Variants in SYNE1 observed in about 807,000 individuals in gnomAD.
SYNE1 encodes the protein spectrin repeat containing nuclear envelope protein 1, also known as nesprin-1.
Under a neutral mutation model 1,111.0 loss-of-function variants are expected in SYNE1, and 616 were observed. The ratio of observed to expected loss-of-function variants is 0.55; its 90% CI spans 0.52 to 0.59. SYNE1 has a LOEUF of 0.59. Among genes scored for constraint, SYNE1 ranks in the 20% least tolerant of loss-of-function variants. SYNE1 has a pLI of 0.00. For synonymous variants in SYNE1, 3,855 were observed against 3,825.8 expected, an observed-to-expected ratio of 1.01 and a Z score of -0.28; for missense variants, 10,006 against 10,417.0, an observed-to-expected ratio of 0.96 and a Z score of 1.72.
chr6:152,482,742 A>G (rs1032238684), intron 14 of SYNE1, among the ~76,000 whole-genome samples: 1 of 152,202 alleles, frequency 6.6e-6, no homozygotes, highest in African/African-American at 2.4e-5. Flanking sequence ...GGCAGAAATG[A>G]GGTCTGGAGC....
At chr6:152,220,591 T>C (rs1420354702) in intron 119 of SYNE1, among the ~76,000 whole-genome samples, 1 of 152,186 alleles carries the variant, frequency 6.6e-6, no homozygotes, top group African/African-American at 2.4e-5. Context: ...ATCTTTCACA[T>C]TGACTAAATT....
At chr6:152,378,900 T>G (rs2097343280) in intron 56 of SYNE1, among the ~76,000 whole-genome samples, 1 of 152,184 alleles carries the variant, frequency 6.6e-6, no homozygotes, top group Admixed American at 6.5e-5. Flanking sequence ...GGTTTGTCAA[T>G]TCTTTATTTA....
chr6:152,364,702 AAG>A, intron 63 of SYNE1, 143 bp downstream of exon 63: 1 of 786,876 alleles, frequency 1.3e-6, no homozygotes, highest in South Asian at 1.5e-5. Context: ...GGAAGGAAGG[AAG>A]GAAGGAAGGA....
chr6:152,231,484 C>G lies in SYNE1; in HGVS notation c.20946G>C (p.Val6982=). ...CAGTCTTATCACTACGCTTACTTTC[C>G]ACATCCTGACTGCTGATTTGTAGCA... The part of the protein sequence containing the change: ...QSVLQISSQD[V]ESKRSDKTDF... The change falls in exon 114 of 146, where the codon GTG becomes GTC. Residue 6982 remains valine (V), a synonymous_variant. Coordinates refer to ENST00000367255, the MANE Select transcript of SYNE1 (RefSeq NM_182961.4). 6.2e-7 allele frequency: 1 copy of G among 1,614,078 alleles called. No homozygotes were observed. Among genetic ancestry groups the G allele is most frequent in the Non-Finnish European group, 8.5e-7 (1 of 1,180,024 alleles).
chr6:152,341,915 G>A (rs971520370), intron 74 of SYNE1, among the ~76,000 whole-genome samples: 4 of 151,752 alleles, frequency 2.6e-5, no homozygotes, highest in Admixed American at 2.6e-4. Context: ...ACCTACCGAT[G>A]GAATTAAGTG....
chr6:152,230,753 A>G, intron 114 of SYNE1, 51 bp from the exon 115 acceptor site: 2 of 1,571,764 alleles, frequency 1.3e-6, no homozygotes, highest in African/African-American at 2.7e-5. Context: ...AATAAAATCA[A>G]ATCATTAGCA....
rs778388414 is a variant in SYNE1 at position 152,450,757 on chromosome 6, A to C, written c.3263T>G (p.Leu1088Arg). ...GTCCCTTACTGGGTCCCGCACTGGGAGTTTCACACAGAGTTCCTCGATGAG... is the reference window on the plus strand; with the variant it reads ...GTCCCTTACTGGGTCCCGCACTGGGCGTTTCACACAGAGTTCCTCGATGAG... ...LQLIEELCVK[L>R]PVRDPVRDTP... Residue 1088 changes from leucine to arginine, a missense_variant, in exon 27 of 146, where the codon CTC becomes CGC. Coordinates refer to ENST00000367255, the MANE Select transcript of SYNE1 (RefSeq NM_182961.4). 1 of 1,614,084 alleles carries C rather than the reference A, an allele frequency of 6.2e-7. No individual in the cohort carries two copies. Among genetic ancestry groups the C allele is most frequent in the Non-Finnish European group, 8.5e-7 (1 of 1,180,014 alleles).
intron 129 of SYNE1, 131 bp downstream of exon 129, chr6:152,180,005 A>C: frequency 9.5e-7 from 1 of 1,050,764 alleles, no homozygotes; most frequent in Non-Finnish European, 1.4e-6. Flanking sequence ...TATATTAAAA[A>C]GATAAAATGT....
In SYNE1 at chr6:152,606,976, C is replaced by CTTTTTTTTTTTTTTTTTTTTTTTT. The variant is rs11387272; in HGVS notation, c.67+21288_67+21289insAAAAAAAAAAAAAAAAAAAAAAAA. 5.5e-5 allele frequency among the ~76,000 whole-genome samples: 6 copies of CTTTTTTTTTTTTTTTTTTTTTTTT among 109,134 alleles called. 1 individual carries two copies. Among genetic ancestry groups the CTTTTTTTTTTTTTTTTTTTTTTTT allele is most frequent in the African/African-American group, 2.2e-4 (6 of 26,812 alleles). The allele number at this position is 109,134 out of a possible 152,430, so 71.6% of individuals were successfully genotyped here. A position where few individuals can be genotyped will look rare whatever the true frequency, so the allele number is the denominator to read the frequency against. Reference sequence around the variant, plus strand: ...GCAAAAGGAAAGGCATGCCTCGGTTCTCTTTTTTTTTTTTTTTTTTTTTTT... The same window carrying CTTTTTTTTTTTTTTTTTTTTTTTT: ...GCAAAAGGAAAGGCATGCCTCGGTTCTTTTTTTTTTTTTTTTTTTTTTTTTCTTTTTTTTTTTTTTTTTTTTTTT... On this transcript the variant is annotated intron_variant, in intron 3 of 145. Coordinates refer to ENST00000367255, the MANE Select transcript of SYNE1 (RefSeq NM_182961.4).
chr6:152,529,385 T>C (rs1457214145), intron 4 of SYNE1, among the ~76,000 whole-genome samples: 1 of 152,194 alleles, frequency 6.6e-6, no homozygotes, highest in Non-Finnish European at 1.5e-5. Context: ...GCTGGGCCCA[T>C]CATATTCTCT....
intron 47 of SYNE1, among the ~76,000 whole-genome samples, 184 bp from the exon 48 acceptor site, chr6:152,400,007 C>T (rs886967953): frequency 6.6e-6 from 1 of 152,006 alleles, no homozygotes; most frequent in Admixed American, 6.6e-5. Flanking sequence ...GAATTTTGCC[C>T]AGTTCTCCTT....
At position 152,321,903 on chromosome 6, in the gene SYNE1, G is replaced by A; in HGVS notation, c.15918-17C>T. The stretch of plus-strand genomic sequence containing the variant: ...TCCTGCATGCTTCAGAAACATTACA[G>A]GGATAAAACAGAAGTGAAGTGAAAG... On this transcript the variant is annotated splice_polypyrimidine_tract_variant and intron_variant, in intron 82 of 145. Transcript: ENST00000367255. The A allele has an allele frequency of 6.2e-7, 1 of 1,613,888 alleles. No homozygotes were observed. The highest frequency in any genetic ancestry group is 2.2e-5 in the East Asian group (1 of 44,840).
intron 3 of SYNE1, among the ~76,000 whole-genome samples, chr6:152,588,204 G>T (rs2099546803): frequency 6.6e-6 from 1 of 152,104 alleles, no homozygotes; most frequent in Admixed American, 6.5e-5. Context: ...GGACTAAGGT[G>T]GGCAGCAGTG....
chr6:152,382,313 G>A (rs560123766), intron 55 of SYNE1, among the ~76,000 whole-genome samples: 6 of 152,112 alleles, frequency 3.9e-5, no homozygotes, highest in Non-Finnish European at 5.9e-5. Flanking sequence ...TGTTCAAGAA[G>A]AAAATCAATG....
At chr6:152,394,762 A>G (rs1203093072) in intron 51 of SYNE1, among the ~76,000 whole-genome samples, 1 of 151,230 alleles carries the variant, frequency 6.6e-6, no homozygotes, top group Admixed American at 6.6e-5. Context: ...ATTGACATAT[A>G]CAGTACTCTT....
chr6:152,220,872 A>G lies in SYNE1; in HGVS notation c.21831T>C (p.Asp7277=), dbSNP rs1464306360. 6.2e-7 allele frequency: 1 copy of G among 1,614,078 alleles called. No individual in the cohort carries two copies. Among genetic ancestry groups the G allele is most frequent in the Admixed American group, 1.7e-5 (1 of 60,020 alleles). ...AATCTTGAATCCATGTGGCAACCTC[A>G]TCATCGGCAATGTCCTTGTTTGTGG... ...KAATNKDIAD[D]EVATWIQDCN... The change falls in exon 119 of 146, where the codon GAT becomes GAC. Residue 7277 remains aspartate, a synonymous_variant. Coordinates refer to ENST00000367255, the MANE Select transcript of SYNE1 (RefSeq NM_182961.4).
Position 152,505,224 on chromosome 6 carries a change from A to AT in SYNE1, c.754dup (p.Ile252AsnfsTer8). The stretch of plus-strand genomic sequence containing the variant: ...ACCTTCAGGATCTAGCAGTCTTGGG[A>AT]TCCCCAGTTCTGTTTCGGCGATAGT... On this transcript the variant is annotated frameshift_variant, in exon 9 of 146. Transcript: ENST00000367255. LOFTEE classifies it high-confidence loss of function. 6.2e-7 allele frequency: 1 copy of AT among 1,613,958 alleles called. No homozygotes were observed. Among genetic ancestry groups the AT allele is most frequent in the Non-Finnish European group, 8.5e-7 (1 of 1,179,960 alleles).
intron 3 of SYNE1, among the ~76,000 whole-genome samples, chr6:152,574,153 C>CAT (rs977608674): frequency 6.1e-5 from 9 of 148,562 alleles, no homozygotes; most frequent in African/African-American, 1.7e-4. Flanking sequence ...GGGATATACA[C>CAT]ATATATATGT....
chr6:152,545,007 T>C (rs1289940660), intron 3 of SYNE1, among the ~76,000 whole-genome samples: 1 of 152,212 alleles, frequency 6.6e-6, no homozygotes, highest in South Asian at 2.1e-4. Context: ...GCCTTTTAAA[T>C]AGATTTACTA....
Sources: gnomAD v4.1 joint callset for allele counts (sites outside exome capture counted in the v4.1 genomes callset) on GRCh38, gnomAD v4.1.1 for gene constraint, MANE v1.5 for transcripts, NCBI Gene and HGNC (gene_info 2026-07-23, HGNC 2026-07-21) for gene names.